MFSD11: variants seen among roughly 807,000 people sequenced by gnomAD.
MFSD11 encodes UNC93-like protein MFSD11.
Under a neutral mutation model 53.5 loss-of-function variants are expected in MFSD11, and 36 were observed. That is an observed-to-expected ratio of 0.67 (90% CI 0.52 to 0.89). The LOEUF (loss-of-function observed/expected upper bound fraction) is 0.89, where lower values mean the gene tolerates loss of function less well. Ranked by LOEUF, MFSD11 falls within the 40% of genes least tolerant of loss-of-function variation. The pLI, the probability that MFSD11 is intolerant of heterozygous loss-of-function variation, is 0.00. For missense variants in MFSD11, 530 were observed against 543.9 expected (o/e 0.97, Z 0.25); for synonymous variants, 186 against 184.9 (o/e 1.01, Z -0.05).
At chr17:76,738,521 A>G (rs1464116127) in intron 1 of MFSD11, 73 bp downstream of exon 1, 2 of 1,028,002 alleles carry the variant, frequency 1.9e-6, no homozygotes, top group Non-Finnish European at 1.5e-6. Flanking sequence ...ATAAACGTTC[A>G]TTATATCTAA....
Position 76,776,687 on chromosome 17 carries a change from C to T in MFSD11, c.1185+146C>T. ...ATAGAGTCTCTCTCTGTCACTCAGG[C>T]TGGAGTGCAGTAGCGCAATCTTGAC... On this transcript the variant is annotated intron_variant, in intron 12 of 12. Coordinates refer to ENST00000685175, the MANE Select transcript of MFSD11 (RefSeq NM_001242532.5). This position sits in a 1 kb window ranked among gnomAD's most constrained non-coding sequence, Gnocchi z 4.2. The T allele has an allele frequency of 1.2e-6, 1 of 810,668 alleles. No individual in the cohort carries two copies. The highest frequency in any genetic ancestry group is 2.7e-5 in the South Asian group (1 of 37,416). The allele number at this position is 810,668 out of a possible 1,614,324, so 50.2% of individuals were successfully genotyped here.
chr17:76,776,453 G>T lies in MFSD11; in HGVS notation c.1097G>T (p.Ser366Ile). ...LCSFLLGLGD[S>I]CFNTQLLSIL... ...AGTTTTCTGTTGGGCCTTGGAGACAGCTGCTTTAATACCCAGCTGCTTAGT... is the reference window on the plus strand; with the variant it reads ...AGTTTTCTGTTGGGCCTTGGAGACATCTGCTTTAATACCCAGCTGCTTAGT... The change falls in exon 12 of 13, where the codon AGC becomes ATC. Residue 366 changes from serine to isoleucine, a missense_variant. Coordinates refer to ENST00000685175, the MANE Select transcript of MFSD11 (RefSeq NM_001242532.5). This position sits in a 1 kb window ranked among gnomAD's most constrained non-coding sequence, Gnocchi z 4.2. The T allele has an allele frequency of 6.2e-7, 1 of 1,614,072 alleles. No individual in the cohort carries two copies. The highest frequency in any genetic ancestry group is 8.5e-7 in the Non-Finnish European group (1 of 1,180,018).
chr17:76,743,538 T>A, intron 6 of MFSD11, 82 bp downstream of exon 6: 2 of 859,278 alleles, frequency 2.3e-6, no homozygotes, highest in Non-Finnish European at 3.5e-6. Context: ...ATTGCTTTAT[T>A]CAAGCATCGT....
intron 8 of MFSD11, among the ~76,000 whole-genome samples, chr17:76,757,917 A>G (rs2079813076): frequency 6.6e-6 from 1 of 152,028 alleles, no homozygotes; most frequent in Non-Finnish European, 1.5e-5. Flanking sequence ...AGGCTGAGGC[A>G]GAGAATTGCT....
rs1056306979 is a variant in MFSD11 at position 76,738,216 on chromosome 17, T to C, written c.-137T>C. 2.8e-5 allele frequency: 18 copies of C among 635,722 alleles called. No individual in the cohort carries two copies. The highest frequency in any genetic ancestry group is 2.8e-4 in the African/African-American group (15 of 54,440). The allele number at this position is 635,722 out of a possible 1,614,324, so 39.4% of individuals were successfully genotyped here. On this transcript the variant is annotated 5_prime_UTR_variant, in exon 1 of 13. Transcript: ENST00000685175. ...GGGGTTCCGATCCAGGAACTGGAAG[T>C]TGACAGCTTGGCTGCCTGGCTCCTG...
intron 8 of MFSD11, chr17:76,766,920 CAG>C (rs2080901265): frequency 1.3e-5 from 2 of 155,196 alleles, no homozygotes; most frequent in African/African-American, 4.8e-5. Flanking sequence ...GCTACAGAGT[CAG>C]AATCTTGGGA....
chr17:76,755,797 TATATATATATATA>T lies in MFSD11; in HGVS notation c.682+1711_682+1723del, dbSNP rs1568076020. Among the ~76,000 whole-genome samples the T allele has an allele frequency of 3.0e-4, 7 of 23,662 alleles. 1 individual carries two copies. The highest frequency in any genetic ancestry group is 5.1e-4 in the Non-Finnish European group (5 of 9,830). 15.5% of individuals were successfully genotyped at this position (23,662 alleles called of 152,430 possible). On this transcript the variant is annotated intron_variant, in intron 8 of 12. Transcript: ENST00000685175. ...GTGTGTGTGTGTGTGTATACATATATATATATATATATATATTTTTTTTTTTTTTTTTTTTTTT... is the reference window on the plus strand; with the variant it reads ...GTGTGTGTGTGTGTGTATACATATATTATTTTTTTTTTTTTTTTTTTTTTT...
the MFSD11 span, among the ~76,000 whole-genome samples, chr17:76,802,201 G>A: frequency 3.9e-5 from 6 of 152,242 alleles, no homozygotes; most frequent in African/African-American, 1.4e-4. Flanking sequence ...AAGCCAGGAG[G>A]CAGAAGTTGC....
At chr17:76,760,483 G>A (rs747601374) in intron 8 of MFSD11, among the ~76,000 whole-genome samples, 2 of 151,932 alleles carry the variant, frequency 1.3e-5, no homozygotes, top group Non-Finnish European at 2.9e-5. Flanking sequence ...GTTGTTCAAG[G>A]GTCAACTGTG....
intron 8 of MFSD11, among the ~76,000 whole-genome samples, chr17:76,765,161 C>A (rs2080707549): frequency 6.6e-6 from 1 of 152,070 alleles, no homozygotes; most frequent in African/African-American, 2.4e-5. Flanking sequence ...GTCTGTGATT[C>A]ATTTTCAGTT....
the MFSD11 span, among the ~76,000 whole-genome samples, chr17:76,797,427 G>A: frequency 6.6e-6 from 1 of 152,062 alleles, no homozygotes; most frequent in East Asian, 1.9e-4. Flanking sequence ...AAACTGTCAC[G>A]GCTCTAGTGG....
chr17:76,752,515 T>G (rs2079145518), intron 7 of MFSD11, among the ~76,000 whole-genome samples: 1 of 151,850 alleles, frequency 6.6e-6, no homozygotes, highest in Non-Finnish European at 1.5e-5. Flanking sequence ...GTAGCTGGGA[T>G]TACAGGGGTG....
chr17:76,762,753 G>A (rs548390188), intron 8 of MFSD11, among the ~76,000 whole-genome samples: 120 of 151,504 alleles, frequency 7.9e-4, no homozygotes, highest in African/African-American at 2.2e-3. Flanking sequence ...AACACCACTA[G>A]AGGGTAATTG....
At chr17:76,793,283 A>G in the MFSD11 span, among the ~76,000 whole-genome samples, 2 of 151,118 alleles carry the variant, frequency 1.3e-5, no homozygotes, top group Non-Finnish European at 2.9e-5. Context: ...AGATGGCCAC[A>G]CCCAAGGGGG....
intron 5 of MFSD11, among the ~76,000 whole-genome samples, chr17:76,742,531 C>T (rs947307350): frequency 6.7e-6 from 1 of 150,288 alleles, no homozygotes; most frequent in African/African-American, 2.5e-5. Context: ...GAGACGGTGT[C>T]TCACACTGTC....
chr17:76,751,286 A>C (rs1419474975), intron 7 of MFSD11, among the ~76,000 whole-genome samples: 3 of 151,702 alleles, frequency 2.0e-5, no homozygotes, highest in Non-Finnish European at 2.9e-5. Context: ...GCTACTTGGG[A>C]GGCTGAGGCA....
At chr17:76,757,098 T>C (rs1049822963) in intron 8 of MFSD11, among the ~76,000 whole-genome samples, 26 of 152,038 alleles carry the variant, frequency 1.7e-4, no homozygotes, top group Non-Finnish European at 1.6e-4. Flanking sequence ...TGGGATGGTG[T>C]CCCCAGCCAT....
chr17:76,743,914 C>G (rs1056104059), intron 6 of MFSD11, among the ~76,000 whole-genome samples: 3 of 152,138 alleles, frequency 2.0e-5, no homozygotes, highest in Admixed American at 2.0e-4. Context: ...CCCTCCCAGC[C>G]TGGTTTCTAT....
chr17:76,766,309 C>T (rs1598709728), intron 8 of MFSD11, among the ~76,000 whole-genome samples: 2 of 150,958 alleles, frequency 1.3e-5, no homozygotes, highest in African/African-American at 4.9e-5. Context: ...ATCCCAGCTA[C>T]TCAGGAGGCT....
Sources: allele counts gnomAD v4.1 joint callset (sites outside exome capture counted in the v4.1 genomes callset), GRCh38; gene constraint gnomAD v4.1.1; non-coding constraint Gnocchi (gnomAD v3.1); transcripts MANE v1.5; gene names NCBI Gene and HGNC (gene_info 2026-07-23, HGNC 2026-07-21).